ADCY7: variants seen among roughly 807,000 people sequenced by gnomAD.
ADCY7 encodes the protein adenylate cyclase 7, also known as adenylate cyclase type 7.
A neutral mutation model predicts 120.6 loss-of-function variants in ADCY7; 72 were observed. That is an observed-to-expected ratio of 0.60 (90% CI 0.49 to 0.73). The LOEUF (loss-of-function observed/expected upper bound fraction) is 0.73. Ranked by LOEUF, ADCY7 falls within the 30% of genes least tolerant of loss-of-function variation. The pLI, the probability that ADCY7 is intolerant of heterozygous loss-of-function variation, is 0.00. For synonymous variants in ADCY7, 661 were observed against 628.0 expected, an observed-to-expected ratio of 1.05 and a Z score of -0.78; for missense variants, 1,227 against 1,486.0, an observed-to-expected ratio of 0.83 and a Z score of 2.87.
intron 5 of ADCY7, among the ~76,000 whole-genome samples, chr16:50,293,102 C>A (rs1004944549): frequency 1.3e-5 from 2 of 152,196 alleles, no homozygotes; most frequent in Non-Finnish European, 2.9e-5. Flanking sequence ...AGCTTAGCCT[C>A]CCCAGCTGAA....
intron 1 of ADCY7, among the ~76,000 whole-genome samples, chr16:50,250,334 G>GT (rs1306733770): frequency 6.6e-6 from 1 of 151,954 alleles, no homozygotes; most frequent in Non-Finnish European, 1.5e-5. Context: ...GCTTGTGCCT[G>GT]TAGTCCCAGC....
chr16:50,270,586 G>T (rs954738638), intron 1 of ADCY7, among the ~76,000 whole-genome samples: 1 of 152,242 alleles, frequency 6.6e-6, no homozygotes, highest in South Asian at 2.1e-4. Flanking sequence ...GTGCGTCACT[G>T]TCGGTGTCGT....
At position 50,293,534 on chromosome 16, in the gene ADCY7, C is replaced by CG. The variant is rs779196189; in HGVS notation, c.836+36dup. Reference sequence around the variant, plus strand: ...GGTGAGACGTGTGATTAGCATATCCCGGGGACTGGGCCCACCGTTCCACCG... The same window carrying CG: ...GGTGAGACGTGTGATTAGCATATCCCGGGGGACTGGGCCCACCGTTCCACCG... On this transcript the variant is annotated intron_variant, in intron 6 of 25. Transcript: ENST00000673801. The CG allele has an allele frequency of 9.9e-6, 16 of 1,608,488 alleles. No individual in the cohort carries two copies. The South Asian group carries it at 1.8e-4, about 18-fold the overall frequency.
chr16:50,314,692 C>T (rs2036697852), intron 24 of ADCY7: 1 of 462,062 alleles, frequency 2.2e-6, no homozygotes, highest in Non-Finnish European at 3.8e-6. Context: ...GTTACTAAAC[C>T]TAAATAGTTG....
chr16:50,294,797 C>T (rs1325221962), intron 7 of ADCY7, 46 bp downstream of exon 7: 7 of 1,355,076 alleles, frequency 5.2e-6, no homozygotes, highest in Non-Finnish European at 7.3e-6. Context: ...CCCTCCCCTG[C>T]CTATTACACC....
chr16:50,293,577 C>T, intron 6 of ADCY7, 75 bp downstream of exon 6: 2 of 1,538,342 alleles, frequency 1.3e-6, no homozygotes, highest in Non-Finnish European at 1.8e-6. Flanking sequence ...GGCGGCCTCC[C>T]CGCCCTATCT....
chr16:50,244,875 T>C (rs2032535370), upstream of ADCY7, among the ~76,000 whole-genome samples: 1 of 152,180 alleles, frequency 6.6e-6, no homozygotes. Context: ...GCCCGGGGGC[T>C]GCACGAGCCC....
chr16:50,294,200 G>A (rs949910063), intron 6 of ADCY7, among the ~76,000 whole-genome samples: 3 of 152,204 alleles, frequency 2.0e-5, no homozygotes, highest in African/African-American at 7.2e-5. Context: ...TAGAACGGGA[G>A]TTCGGCAAGG....
In ADCY7 at chr16:50,290,651, G is replaced by A. The variant is rs150007332; in HGVS notation, c.366G>A (p.Ala122=). The A allele has an allele frequency of 1.5e-4, 234 of 1,613,182 alleles. No homozygotes were observed. In the Middle Eastern group the frequency reaches 2.7e-3, roughly 18 times the overall value. The change falls in exon 3 of 26, where the codon GCG becomes GCA. Residue 122 remains alanine (A), a synonymous_variant. Transcript: ENST00000673801. ...ACGCATGGACAAAGGCGGCCTGTGC[G>A]TGGGAGCAGGTAACAGGAACTCTGG... ...VFDAWTKAAC[A]WEQVPFFLFI... is the part of the protein sequence containing the mutation.
intron 21 of ADCY7, 99 bp from the exon 22 acceptor site, chr16:50,312,791 C>A: frequency 1.9e-6 from 2 of 1,075,676 alleles, no homozygotes; most frequent in Admixed American, 2.1e-5. Flanking sequence ...GAAAGCTGGG[C>A]TGGGCAGTTC....
intron 22 of ADCY7, 139 bp downstream of exon 22, chr16:50,313,175 G>A: frequency 8.4e-7 from 1 of 1,191,800 alleles, no homozygotes; most frequent in Non-Finnish European, 1.1e-6. Flanking sequence ...CCAGCACTTT[G>A]GGAGGTCAAG....
rs1285234475 is a variant in ADCY7, at chr16:50,297,975, G to A, written c.949-929G>A. ...CTCGGTGCATGTGGCCACCCTTGCT[G>A]AGGGCTTAAGGAGGGTCTGGTGACG... On this transcript the variant is annotated intron_variant, in intron 7 of 25. Transcript: ENST00000673801. The surrounding 1 kb of genome is among the most constrained non-coding windows in gnomAD (Gnocchi z 4.4). 2.0e-5 allele frequency among the ~76,000 whole-genome samples: 3 copies of A among 152,026 alleles called. No homozygotes were observed. Among genetic ancestry groups the A allele is most frequent in the East Asian group, 3.9e-4 (2 of 5,188 alleles).
At chr16:50,275,227 T>A (rs1261661784) in intron 1 of ADCY7, among the ~76,000 whole-genome samples, 4 of 152,214 alleles carry the variant, frequency 2.6e-5, no homozygotes, top group Non-Finnish European at 5.9e-5. Flanking sequence ...AGGGTAGGTG[T>A]CCTGGCCCAC....
chr16:50,284,207 G>A (rs981997228), intron 1 of ADCY7, among the ~76,000 whole-genome samples: 3 of 152,156 alleles, frequency 2.0e-5, no homozygotes, highest in Admixed American at 6.5e-5. Flanking sequence ...GATGTGATCA[G>A]TGAGTTCATT....
chr16:50,309,476 C>T, intron 17 of ADCY7, 72 bp from the exon 18 acceptor site: 1 of 1,291,018 alleles, frequency 7.7e-7, no homozygotes, highest in Non-Finnish European at 1.1e-6. Context: ...TTGCCTGGGG[C>T]CCACCTTGCA....
In ADCY7 at chr16:50,316,161, CAT is replaced by C. The variant is rs2036789708; in HGVS notation, c.*658_*659del. The C allele has an allele frequency of 6.6e-6, 1 of 152,604 alleles. No individual in the cohort carries two copies. The allele number at this position is 152,604 out of a possible 1,614,324, so 9.5% of individuals were successfully genotyped here. ...TTTGAATGACTTTTCAGACACTAGA[CAT>C]AAATCTCTTCCCTCCAGTGTATGCT... On this transcript the variant is annotated 3_prime_UTR_variant, in exon 26 of 26. Transcript: ENST00000673801.
rs775818943 is a variant in ADCY7 at position 50,305,822 on chromosome 16, C to A, written c.1725C>A (p.Ile575=). The A allele has an allele frequency of 6.2e-7, 1 of 1,613,970 alleles. No individual in the cohort carries two copies. The part of the protein sequence containing the change: ...KSDDFYTFGS[I]FLEKGFEREY... The stretch of plus-strand genomic sequence containing the variant: ...ATGACTTCTACACCTTTGGGTCCAT[C>A]TTCCTGGAGAAGGGCTTTGAGCGCG... Residue 575 remains isoleucine (I), a synonymous_variant, in exon 14 of 26, where the codon ATC becomes ATA. Coordinates refer to ENST00000673801, the MANE Select transcript of ADCY7 (RefSeq NM_001114.5).
chr16:50,315,284 G>A, intron 25 of ADCY7, 75 bp from the exon 26 acceptor site: 14 of 1,572,078 alleles, frequency 8.9e-6, no homozygotes, highest in Non-Finnish European at 1.2e-5. Flanking sequence ...GCATGCCTGG[G>A]CAGTCTCTAT....
intron 19 of ADCY7, 127 bp from the exon 20 acceptor site, chr16:50,311,562 CTTGT>C (rs1158207039): frequency 3.9e-6 from 2 of 509,682 alleles, no homozygotes; most frequent in Non-Finnish European, 7.6e-6. Context: ...CCAAAGTTGT[CTTGT>C]TTTCTACCCA....
Sources: gnomAD v4.1 joint callset for allele counts (sites outside exome capture counted in the v4.1 genomes callset) on GRCh38, gnomAD v4.1.1 for gene constraint, Gnocchi (gnomAD v3.1) non-coding constraint, MANE v1.5 for transcripts, NCBI Gene and HGNC (gene_info 2026-07-23, HGNC 2026-07-21) for gene names.